The following STAB1 variants were observed in gnomAD, a reference collection of about 807,000 sequenced individuals.
STAB1 encodes stabilin-1.
STAB1 carries 250 observed loss-of-function variants against 332.4 expected under a neutral mutation model. The observed-to-expected ratio is 0.75, with a 90% CI of 0.68 to 0.84. The LOEUF is 0.84. Ranked by LOEUF, STAB1 falls within the 40% of genes least tolerant of loss-of-function variation. STAB1 has a pLI of 0.00. For missense variants in STAB1, 3,249 were observed against 3,489.7 expected, an observed-to-expected ratio of 0.93 and a Z score of 1.74; for synonymous variants, 1,475 against 1,390.4, an observed-to-expected ratio of 1.06 and a Z score of -1.35.
Position 52,510,344 on chromosome 3 carries a change from C to T in STAB1, c.2629-5C>T. Reference sequence around the variant, plus strand: ...CCCTCAGTTATTTATCCATGGCTCTCACAGGCTGAGTGTGTCCCTGGGTCC... The same window carrying T: ...CCCTCAGTTATTTATCCATGGCTCTTACAGGCTGAGTGTGTCCCTGGGTCC... On this transcript the variant is annotated splice_region_variant and splice_polypyrimidine_tract_variant and intron_variant, in intron 24 of 68. Coordinates refer to ENST00000321725, the MANE Select transcript of STAB1 (RefSeq NM_015136.3). 6.2e-7 allele frequency: 1 copy of T among 1,613,966 alleles called. No homozygotes were observed. Among genetic ancestry groups the T allele is most frequent in the Non-Finnish European group, 8.5e-7 (1 of 1,179,944 alleles).
At position 52,501,339 on chromosome 3, in the gene STAB1, C is replaced by T. The variant is rs1489282452; in HGVS notation, c.215+37C>T. 3 of 1,599,022 alleles carry T rather than the reference C, an allele frequency of 1.9e-6. No homozygotes were observed. In the East Asian group the frequency reaches 6.7e-5, roughly 36 times the overall value. On this transcript the variant is annotated intron_variant, in intron 2 of 68. Transcript: ENST00000321725. ...CCCTGTCCTTGCCTGTGTCCAGGAGCATCCTGTGGGGTGGCAGGGACTCGG... is the reference window on the plus strand; with the variant it reads ...CCCTGTCCTTGCCTGTGTCCAGGAGTATCCTGTGGGGTGGCAGGGACTCGG...
Position 52,504,037 on chromosome 3 carries a change from C to T in STAB1, c.1032C>T (p.Cys344=). ...VTADGKTSCV[C]RESEVGDGRA... ...CTCCCTGGGAGCCCAGCTGTGTGTG[C>T]AGGGAAAGCGAGGTGGGGGATGGGC... is the stretch of plus-strand genomic sequence containing the variant. The change falls in exon 10 of 69, where the codon TGC becomes TGT. Residue 344 remains cysteine, a synonymous_variant. Transcript: ENST00000321725. The T allele has an allele frequency of 3.7e-6, 6 of 1,600,310 alleles. No individual in the cohort carries two copies. The highest frequency in any genetic ancestry group is 2.3e-5 in the East Asian group (1 of 44,276).
At position 52,505,677 on chromosome 3, in the gene STAB1, C is replaced by T; in HGVS notation, c.1591C>T (p.Leu531=). 1 of 1,613,508 alleles carries T rather than the reference C, an allele frequency of 6.2e-7. No individual in the cohort carries two copies. The highest frequency in any genetic ancestry group is 8.5e-7 in the Non-Finnish European group (1 of 1,180,018). The change falls in exon 15 of 69, where the codon CTG becomes TTG. Residue 531 remains leucine, a synonymous_variant. Coordinates refer to ENST00000321725, the MANE Select transcript of STAB1 (RefSeq NM_015136.3). ...RFETILENCG[L]PSILDGPGPF... is the part of the protein sequence containing the mutation. ...CCTTGCACCACCACAGAACTGTGGG[C>T]TGCCCTCCATCCTGGACGGACCTGG... is the stretch of plus-strand genomic sequence containing the variant.
rs1038939908 is a variant in STAB1, at chr3:52,513,963, C to A, written c.3429C>A (p.Leu1143=). Residue 1143 remains leucine (L), a synonymous_variant, in exon 32 of 69, where the codon CTC becomes CTA. Coordinates refer to ENST00000321725, the MANE Select transcript of STAB1 (RefSeq NM_015136.3). ...QQLDLVPAFS[L]FRELLQHHGL... ...TGGACTTGGTGCCTGCCTTCAGCCT[C>A]TTCCGGGAATTGCTGCAGGTACGGA... 1.6e-5 allele frequency: 26 copies of A among 1,604,024 alleles called. No homozygotes were observed. Among genetic ancestry groups the A allele is most frequent in the Non-Finnish European group, 2.0e-5 (23 of 1,173,312 alleles).
Position 52,519,340 on chromosome 3 carries a change from T to A in STAB1, c.5111T>A (p.Ile1704Asn). ...GCCGTGAACGGCATCCTGCACTTCA[T>A]TGACCGTGTCCTGCTGCCCCCCGAG... is the stretch of plus-strand genomic sequence containing the variant. ...HEAVNGILHF[I>N]DRVLLPPEAL... Residue 1704 changes from isoleucine to asparagine, a missense_variant, in exon 49 of 69, where the codon ATT becomes AAT. By Grantham distance (149) the Ile-to-Asn change is moderately radical. Transcript: ENST00000321725. The A allele has an allele frequency of 6.2e-7, 1 of 1,613,158 alleles. No individual in the cohort carries two copies. The highest frequency in any genetic ancestry group is 8.5e-7 in the Non-Finnish European group (1 of 1,179,988).
chr3:52,506,619 G>C, intron 17 of STAB1, 73 bp from the exon 18 acceptor site: 1 of 1,477,458 alleles, frequency 6.8e-7, no homozygotes. Context: ...TGGGCTGCAG[G>C]GGTGGAGGTG....
At position 52,503,441 on chromosome 3, in the gene STAB1, T is replaced by TG; in HGVS notation, c.794dup (p.Asp266ArgfsTer13). ...AGTGTCACTGCCCTGAGAACTACCA[T>TG]GGCGATGGGATGGTGTGTCTGCCCA... is the stretch of plus-strand genomic sequence containing the variant. On this transcript the variant is annotated frameshift_variant, in exon 8 of 69. Coordinates refer to ENST00000321725, the MANE Select transcript of STAB1 (RefSeq NM_015136.3). LOFTEE classifies it high-confidence loss of function. 1 of 1,613,780 alleles carries TG rather than the reference T, an allele frequency of 6.2e-7. No homozygotes were observed. The highest frequency in any genetic ancestry group is 8.5e-7 in the Non-Finnish European group (1 of 1,180,020).
rs374886869 is a variant in STAB1, at chr3:52,513,149, G to A, written c.3178G>A (p.Ala1060Thr). 3 of 1,572,922 alleles carry A rather than the reference G, an allele frequency of 1.9e-6. No individual in the cohort carries two copies. Among genetic ancestry groups the A allele is most frequent in the Non-Finnish European group, 2.6e-6 (3 of 1,158,960 alleles). ...TGTCAGGGCCCATTTTCTCCAGGGT[G>A]CCCTCTTCGAGGAGGAGCTGGCCCG... The part of the protein sequence containing the change: ...NLVRAHFLQG[A>T]LFEEELARLG... The change falls in exon 30 of 69, where the codon GCC becomes ACC. Residue 1060 changes from alanine to threonine, a missense_variant. Ala to Thr is a moderately conservative substitution (Grantham distance 58). Transcript: ENST00000321725.
At position 52,519,976 on chromosome 3, in the gene STAB1, A is replaced by G; in HGVS notation, c.5268A>G (p.Ala1756=). The change falls in exon 51 of 69, where the codon GCA becomes GCG. Residue 1756 remains alanine (A), a synonymous_variant. Transcript: ENST00000321725. ...GCCTCCTGCCCCTGCTTCGAGAGGC[A>G]TCCCATAGGCCCTTCACAATGCTGT... is the stretch of plus-strand genomic sequence containing the variant. ...VAGLLPLLRE[A]SHRPFTMLWP... The G allele has an allele frequency of 6.3e-7, 1 of 1,596,478 alleles. No individual in the cohort carries two copies. Among genetic ancestry groups the G allele is most frequent in the South Asian group, 1.1e-5 (1 of 90,416 alleles).
chr3:52,511,706 C>A lies in STAB1; in HGVS notation c.2844C>A (p.Ile948=). 6.2e-7 allele frequency: 1 copy of A among 1,607,444 alleles called. No individual in the cohort carries two copies. Among genetic ancestry groups the A allele is most frequent in the South Asian group, 1.1e-5 (1 of 90,280 alleles). ...FAGDGYQCSP[I]DPCRAGNGGC... ...GGGATGGCTACCAGTGCAGCCCCAT[C>A]GACCCCTGCCGGGCAGGCAATGGCG... The change falls in exon 26 of 69, where the codon ATC becomes ATA. Residue 948 remains isoleucine (I), a synonymous_variant. Transcript: ENST00000321725.
intron 1 of STAB1, among the ~76,000 whole-genome samples, chr3:52,497,104 C>T (rs1708087304): frequency 6.6e-6 from 1 of 152,118 alleles, no homozygotes; most frequent in African/African-American, 2.4e-5. Context: ...CAGGTTCAAG[C>T]GATTCTCCTG....
rs200695031 is a variant in STAB1 at position 52,518,821 on chromosome 3, G to A, written c.4986G>A (p.Gly1662=). The change falls in exon 48 of 69, where the codon GGG becomes GGA. Residue 1662 remains glycine, a synonymous_variant. Transcript: ENST00000321725. ...GGAGCGAGGACCTGCTGGAGCAGGG[G>A]TACGCCACGGCCCTCTCAGGGCACC... ...RLRSEDLLEQ[G]YATALSGHPL... 4 of 1,610,150 alleles carry A rather than the reference G, an allele frequency of 2.5e-6. No individual in the cohort carries two copies. In the East Asian group the frequency reaches 8.9e-5, roughly 36 times the overall value.
chr3:52,519,948 C>A lies in STAB1; in HGVS notation c.5240C>A (p.Ala1747Asp). ...ATCTTTGCTGCACCCCACCAGGTGG[C>A]CGGCCTCCTGCCCCTGCTTCGAGAG... ...YKIFSGLLKV[A>D]GLLPLLREAS... is the part of the protein sequence containing the mutation. Residue 1747 changes from alanine (A) to aspartate (D), a missense_variant, in exon 51 of 69, where the codon GCC becomes GAC. Ala to Asp is a moderately radical substitution (Grantham distance 126). Transcript: ENST00000321725. 1 of 1,571,622 alleles carries A rather than the reference C, an allele frequency of 6.4e-7. No homozygotes were observed. The highest frequency in any genetic ancestry group is 1.1e-5 in the South Asian group (1 of 87,364).
rs895153242 is a variant in STAB1, at chr3:52,508,262, G to C, written c.2149-11G>C. 1.7e-5 allele frequency: 27 copies of C among 1,607,770 alleles called. No individual in the cohort carries two copies. The highest frequency in any genetic ancestry group is 1.7e-5 in the Non-Finnish European group (20 of 1,175,462). Reference sequence around the variant, plus strand: ...CCAGATGGCCTCTTGGACCTGTTCTGTCTCTTATAGGAACAAGGCTGCTGC... The same window carrying C: ...CCAGATGGCCTCTTGGACCTGTTCTCTCTCTTATAGGAACAAGGCTGCTGC... On this transcript the variant is annotated splice_polypyrimidine_tract_variant and intron_variant, in intron 20 of 68. Transcript: ENST00000321725.
Position 52,519,580 on chromosome 3 carries a change from G to A in STAB1, c.5235+16G>A, listed in dbSNP as rs147278082. 5 of 1,612,000 alleles carry A rather than the reference G, an allele frequency of 3.1e-6. No individual in the cohort carries two copies. In the East Asian group the frequency reaches 8.9e-5, roughly 29 times the overall value. Reference sequence around the variant, plus strand: ...CCTCCTGAAGGTACTGCTCCCGTGTGGGCCTGTCATTGTGGACACACATGC... The same window carrying A: ...CCTCCTGAAGGTACTGCTCCCGTGTAGGCCTGTCATTGTGGACACACATGC... On this transcript the variant is annotated intron_variant, in intron 50 of 68. Coordinates refer to ENST00000321725, the MANE Select transcript of STAB1 (RefSeq NM_015136.3).
At chr3:52,502,353 C>A in intron 5 of STAB1, 125 bp downstream of exon 5, 1 of 1,073,050 alleles carries the variant, frequency 9.3e-7, no homozygotes, top group Non-Finnish European at 1.4e-6. Flanking sequence ...ATTTGCACAT[C>A]CCTTTCAGGA....
rs889576385 is a variant in STAB1, at chr3:52,517,541, T to C, written c.4564-9T>C. The C allele has an allele frequency of 1.2e-6, 2 of 1,612,244 alleles. No homozygotes were observed. The highest frequency in any genetic ancestry group is 2.7e-5 in the African/African-American group (2 of 74,898). Reference sequence around the variant, plus strand: ...TCCCAGCAGCCCCACTGATCAAGACTGGGGACAGGTCTCCTGCAGCTGCCG... The same window carrying C: ...TCCCAGCAGCCCCACTGATCAAGACCGGGGACAGGTCTCCTGCAGCTGCCG... On this transcript the variant is annotated splice_polypyrimidine_tract_variant and intron_variant, in intron 43 of 68. Coordinates refer to ENST00000321725, the MANE Select transcript of STAB1 (RefSeq NM_015136.3).
Position 52,524,167 on chromosome 3 carries a change from T to C in STAB1, c.7610T>C (p.Val2537Ala). 1 of 1,614,062 alleles carries C rather than the reference T, an allele frequency of 6.2e-7. No homozygotes were observed. Among genetic ancestry groups the C allele is most frequent in the Middle Eastern group, 1.6e-4 (1 of 6,062 alleles). The change falls in exon 68 of 69, where the codon GTC (valine) becomes GCC (alanine). Residue 2537 changes from valine to alanine, a missense_variant. By Grantham distance (64) the Val-to-Ala change is moderately conservative. Coordinates refer to ENST00000321725, the MANE Select transcript of STAB1 (RefSeq NM_015136.3). ...GGGACCAACCCCACCCTGGTCTCTG[T>C]CCCCAACCCTGTCTTTGGCAGCGAC... The part of the protein sequence containing the change: ...QEGTNPTLVS[V>A]PNPVFGSDTF...
intron 1 of STAB1, among the ~76,000 whole-genome samples, chr3:52,497,198 C>T (rs1708094074): frequency 6.6e-6 from 1 of 151,924 alleles, no homozygotes; most frequent in Non-Finnish European, 1.5e-5. Flanking sequence ...CCATGTTGAC[C>T]AGGCTGGTCT....
Sources: gnomAD v4.1 joint callset for allele counts (sites outside exome capture counted in the v4.1 genomes callset) on GRCh38, gnomAD v4.1.1 for gene constraint, MANE v1.5 for transcripts, NCBI Gene and HGNC (gene_info 2026-07-23, HGNC 2026-07-21) for gene names.